Variants in CEP44 observed in about 807,000 individuals in gnomAD.
CEP44 encodes centrosomal protein of 44 kDa.
A neutral mutation model predicts 46.7 loss-of-function variants in CEP44; 45 were observed. The observed-to-expected ratio is 0.96, with a 90% confidence interval of 0.76 to 1.24. CEP44 has a LOEUF of 1.24. CEP44 is among the 50% of genes most tolerant of loss of function. The probability of loss-of-function intolerance (pLI) is 0.00; values close to 1 mark genes in which losing one functional copy is unlikely to be tolerated. For synonymous variants in CEP44, 142 were observed against 146.0 expected (o/e 0.97, Z 0.20); for missense variants, 475 against 459.7 (o/e 1.03, Z -0.30).
At chr4:174,308,606 GA>G (rs1740714253) in intron 6 of CEP44, 82 bp from the exon 7 acceptor site, 1 of 1,335,602 alleles carries the variant, frequency 7.5e-7, no homozygotes, top group African/African-American at 1.5e-5. Context: ...CCTGCACATG[GA>G]CCCCTGAACT....
At position 174,331,362 on chromosome 4, in the gene CEP44, C is replaced by G. The variant is rs527707319; in HGVS notation, c.1087-120C>G. ...TTCTTTAGGCATTATTTTCAGAGTA[C>G]CTATTATGGAAGAGGAGGAAATATT... is the stretch of plus-strand genomic sequence containing the variant. On this transcript the variant is annotated intron_variant, in intron 8 of 8. Transcript: ENST00000426172. This position sits in a 1 kb window ranked among gnomAD's most constrained non-coding sequence, Gnocchi z 4.5. 1.3e-5 allele frequency: 13 copies of G among 989,490 alleles called. No individual in the cohort carries two copies. Among genetic ancestry groups the G allele is most frequent in the East Asian group, 2.8e-5 (1 of 36,008 alleles). 61.3% of individuals were successfully genotyped at this position (989,490 alleles called of 1,614,324 possible).
intron 6 of CEP44, among the ~76,000 whole-genome samples, chr4:174,307,064 CTCCCATTAAACT>C (rs973482758): frequency 2.6e-5 from 4 of 152,020 alleles, no homozygotes; most frequent in African/African-American, 9.7e-5. Context: ...TTCAATGCTA[CTCCCATTAAACT>C]ACCATTGACA....
chr4:174,327,566 C>T (rs62335804), intron 8 of CEP44, among the ~76,000 whole-genome samples: 20,153 of 151,858 alleles, frequency 0.13, 1,767 homozygotes, highest in Middle Eastern at 0.23. Flanking sequence ...GCAATTATAA[C>T]AATAATTAAA....
At chr4:174,332,076 A>AC (rs1731345345) in exon 9 of CEP44, 1 of 153,004 alleles carries the variant, frequency 6.5e-6, no homozygotes, top group Admixed American at 6.5e-5. Context: ...TTAAGATCAC[A>AC]CATAGGTAAA....
chr4:174,294,973 G>C (rs1738755317), intron 1 of CEP44, among the ~76,000 whole-genome samples: 1 of 137,890 alleles, frequency 7.3e-6, no homozygotes, highest in Admixed American at 7.0e-5. Context: ...GGCTGGCCGG[G>C]TGGGGGGCTG....
intron 11 of CEP44, among the ~76,000 whole-genome samples, chr4:174,316,915 T>C (rs1198673246): frequency 6.6e-6 from 1 of 152,122 alleles, no homozygotes; most frequent in African/African-American, 2.4e-5. Context: ...AGATGGATGG[T>C]TTGGAGACAT....
intron 9 of CEP44, among the ~76,000 whole-genome samples, chr4:174,313,352 C>A (rs1741305243): frequency 6.7e-6 from 1 of 148,544 alleles, no homozygotes; most frequent in Non-Finnish European, 1.5e-5. Flanking sequence ...GTTTGTTTCG[C>A]TTTGTTTTGT....
chr4:174,301,924 T>C lies in CEP44; in HGVS notation c.90-115T>C. On this transcript the variant is annotated intron_variant, in intron 3 of 11. Coordinates refer to ENST00000503780, the MANE Select transcript of CEP44 (RefSeq NM_001040157.3). This position sits in a 1 kb window ranked among gnomAD's most constrained non-coding sequence, Gnocchi z 4.3. The stretch of plus-strand genomic sequence containing the variant: ...ATGTATCACCTAATTATTATAGCTA[T>C]AGTGTTAAGTTTTAAATTATTATAA... The C allele has an allele frequency of 3.4e-6, 3 of 874,596 alleles. No individual in the cohort carries two copies. Among genetic ancestry groups the C allele is most frequent in the Non-Finnish European group, 3.4e-6 (2 of 587,454 alleles). The allele number at this position is 874,596 out of a possible 1,614,324, so 54.2% of individuals were successfully genotyped here. A position where few individuals can be genotyped will look rare whatever the true frequency, so the allele number is the denominator to read the frequency against.
At chr4:174,320,587 AGGGAAGAT>A (rs1341477622), downstream of CEP44, among the ~76,000 whole-genome samples, 5 of 36,160 alleles carry the variant, frequency 1.4e-4, no homozygotes, top group South Asian at 3.8e-3. Context: ...GAATATAGCC[AGGGAAGAT>A]GGTTTACGCA....
chr4:174,313,575 A>G (rs973871853), intron 9 of CEP44, among the ~76,000 whole-genome samples: 3 of 152,216 alleles, frequency 2.0e-5, no homozygotes, highest in South Asian at 4.1e-4. Flanking sequence ...CACAAAGGTT[A>G]TCATCAAAGC....
intron 6 of CEP44, among the ~76,000 whole-genome samples, chr4:174,304,744 A>G (rs897075507): frequency 1.3e-5 from 2 of 152,226 alleles, no homozygotes. Context: ...ATAGGTTATA[A>G]TGATTCATTT....
In CEP44 at chr4:174,302,176, C is replaced by G; in HGVS notation, c.227C>G (p.Ala76Gly). 6.3e-7 allele frequency: 1 copy of G among 1,588,514 alleles called. No individual in the cohort carries two copies. Among genetic ancestry groups the G allele is most frequent in the South Asian group, 1.1e-5 (1 of 88,228 alleles). ...IAKNDLRFID[A>G]VYKLLRDQFN... ...AAAAATGACTTGCGCTTTATAGATG[C>G]TGTCTATAAGGTATTTTGAGTTTAT... is the stretch of plus-strand genomic sequence containing the variant. The change falls in exon 4 of 12, where the codon GCT (alanine) becomes GGT (glycine). Residue 76 changes from alanine to glycine, a missense_variant. Physicochemically the swap from Ala to Gly is moderately conservative, Grantham distance 60. Coordinates refer to ENST00000503780, the MANE Select transcript of CEP44 (RefSeq NM_001040157.3).
chr4:174,308,996 T>G, intron 7 of CEP44, 137 bp downstream of exon 7: 2 of 783,502 alleles, frequency 2.6e-6, no homozygotes, highest in Non-Finnish European at 4.1e-6. Context: ...TTACAATTAC[T>G]GAAGTGTCAA....
At chr4:174,299,696 A>G (rs1218784560) in intron 3 of CEP44, among the ~76,000 whole-genome samples, 2 of 152,178 alleles carry the variant, frequency 1.3e-5, no homozygotes, top group Non-Finnish European at 2.9e-5. Context: ...TATTCTAGTT[A>G]GTAGATTTTT....
intron 10 of CEP44, 42 bp downstream of exon 10, chr4:174,316,332 A>C: frequency 1.3e-6 from 2 of 1,574,150 alleles, no homozygotes; most frequent in Middle Eastern, 1.7e-4. Context: ...AATGAGGAAA[A>C]CAAGCAAGCA....
chr4:174,297,471 T>G lies in CEP44; in HGVS notation c.-147-495T>G, dbSNP rs967810748. 1.8e-4 allele frequency among the ~76,000 whole-genome samples: 28 copies of G among 152,360 alleles called. No homozygotes were observed. Among genetic ancestry groups the G allele is most frequent in the African/African-American group, 6.5e-4 (27 of 41,592 alleles). ...AGGGCTTATCAATAAGTGAGTTTGC[T>G]GCAGGTTTATTGGGCAAGACCTGCC... On this transcript the variant is annotated intron_variant, in intron 1 of 11. Coordinates refer to ENST00000503780, the MANE Select transcript of CEP44 (RefSeq NM_001040157.3). This position sits in a 1 kb window ranked among gnomAD's most constrained non-coding sequence, Gnocchi z 4.3.
chr4:174,316,279 G>T lies in CEP44; in HGVS notation c.1075G>T (p.Glu359Ter), dbSNP rs781178089. ...ASTVNYCGLN[E>*]ISEETTIQKM... The stretch of plus-strand genomic sequence containing the variant: ...TACTGTTAATTACTGTGGTTTGAAT[G>T]AGATTTCAGAGGTAAGAAAATGCTT... Residue 359 changes from glutamate to a stop codon, truncating the protein, a stop_gained, in exon 10 of 12, where the codon GAG becomes TAG. Transcript: ENST00000503780. LOFTEE classifies it high-confidence loss of function. 1.2e-6 allele frequency: 2 copies of T among 1,609,792 alleles called. No homozygotes were observed. The highest frequency in any genetic ancestry group is 1.7e-6 in the Non-Finnish European group (2 of 1,176,310).
chr4:174,330,135 T>G (rs929670147), intron 8 of CEP44, among the ~76,000 whole-genome samples: 1 of 152,200 alleles, frequency 6.6e-6, no homozygotes, highest in African/African-American at 2.4e-5. Flanking sequence ...TGTTAATATT[T>G]TGACGTATCT....
chr4:174,305,138 T>C (rs1462927170), intron 6 of CEP44, among the ~76,000 whole-genome samples: 2 of 152,190 alleles, frequency 1.3e-5, no homozygotes, highest in Non-Finnish European at 2.9e-5. Flanking sequence ...ACATGAGTTA[T>C]GTAAACAGAA....
Sources: allele counts gnomAD v4.1 joint callset (sites outside exome capture counted in the v4.1 genomes callset), GRCh38; gene constraint gnomAD v4.1.1; non-coding constraint Gnocchi (gnomAD v3.1); transcripts MANE v1.5; gene names NCBI Gene and HGNC (gene_info 2026-07-23, HGNC 2026-07-21).